Variants in TMEM108 observed in about 807,000 individuals in gnomAD.
TMEM108 encodes cancer/testis antigen 124.
TMEM108 carries 12 observed loss-of-function variants against 35.1 expected under a neutral mutation model. The observed-to-expected ratio is 0.34, with a 90% confidence interval of 0.22 to 0.55. The LOEUF is 0.55. Among genes scored for constraint, TMEM108 ranks in the 20% least tolerant of loss-of-function variants. TMEM108 has a pLI of 0.89. For missense variants in TMEM108, 680 were observed against 753.3 expected (o/e 0.90, Z 1.14); for synonymous variants, 287 against 308.6 (o/e 0.93, Z 0.73).
chr3:133,337,255 G>A (rs185511764), intron 3 of TMEM108, among the ~76,000 whole-genome samples: 7 of 152,306 alleles, frequency 4.6e-5, no homozygotes, highest in Non-Finnish European at 1.0e-4. Context: ...ATCCAGTGCT[G>A]TGCAGGCTGC....
intron 2 of TMEM108, among the ~76,000 whole-genome samples, chr3:133,181,024 A>C (rs1240768872): frequency 1.4e-5 from 2 of 142,140 alleles, no homozygotes; most frequent in African/African-American, 5.9e-5. Flanking sequence ...AAAAAAAAAA[A>C]AAAAAAAAAA....
At chr3:133,051,885 G>A (rs1467362885) in intron 2 of TMEM108, among the ~76,000 whole-genome samples, 2 of 152,104 alleles carry the variant, frequency 1.3e-5, no homozygotes, top group Non-Finnish European at 2.9e-5. Context: ...ATACCATACT[G>A]TCTTGATTAT....
At chr3:133,203,803 G>C (rs1945708635) in intron 2 of TMEM108, among the ~76,000 whole-genome samples, 2 of 152,124 alleles carry the variant, frequency 1.3e-5, no homozygotes, top group African/African-American at 4.8e-5. Context: ...GATGATGTTG[G>C]CCTCATAAAA....
intron 2 of TMEM108, among the ~76,000 whole-genome samples, chr3:133,115,805 A>G (rs1489755709): frequency 6.6e-6 from 1 of 152,240 alleles, no homozygotes; most frequent in South Asian, 2.1e-4. Context: ...ACATAACATC[A>G]TTAGCTGTTG....
At chr3:133,260,547 G>A (rs1946609606) in intron 3 of TMEM108, among the ~76,000 whole-genome samples, 2 of 152,210 alleles carry the variant, frequency 1.3e-5, no homozygotes, top group Non-Finnish European at 2.9e-5. Flanking sequence ...AGGGCCAATT[G>A]TGGTCAGAGC....
rs1014403262 is a variant in TMEM108 at position 133,229,251 on chromosome 3, C to T, written c.-46-15C>T. 2 of 1,533,338 alleles carry T rather than the reference C, an allele frequency of 1.3e-6. No homozygotes were observed. Among genetic ancestry groups the T allele is most frequent in the East Asian group, 2.3e-5 (1 of 43,658 alleles). The allele number at this position is 1,533,338 out of a possible 1,614,324, so 95.0% of individuals were successfully genotyped here. On this transcript the variant is annotated splice_polypyrimidine_tract_variant and intron_variant, in intron 2 of 5. Coordinates refer to ENST00000321871, the MANE Select transcript of TMEM108 (RefSeq NM_023943.4). ...GTTCCTCAGATGTAACAATTTTCTT[C>T]TCCCAATTTCCTAGACAGAATCATG...
chr3:133,149,296 A>T (rs145428385), intron 2 of TMEM108, among the ~76,000 whole-genome samples: 9 of 152,364 alleles, frequency 5.9e-5, no homozygotes, highest in Non-Finnish European at 8.8e-5. Context: ...ATGTGAATAC[A>T]TTGTGAAGTG....
intron 2 of TMEM108, among the ~76,000 whole-genome samples, chr3:133,200,995 T>TTTTGGAGGATCA (rs200273110): frequency 6.6e-6 from 1 of 152,116 alleles, no homozygotes; most frequent in East Asian, 1.9e-4. Flanking sequence ...CTTATGTTAA[T>TTTTGGAGGATCA]TTTGGAGGAT....
chr3:133,364,323 T>A (rs1351724791), intron 3 of TMEM108, among the ~76,000 whole-genome samples: 1 of 152,226 alleles, frequency 6.6e-6, no homozygotes, highest in Non-Finnish European at 1.5e-5. Context: ...TAGGCAATGC[T>A]TAGCTCAGAC....
chr3:133,146,975 A>C (rs1944730625), intron 2 of TMEM108, among the ~76,000 whole-genome samples: 1 of 151,540 alleles, frequency 6.6e-6, no homozygotes, highest in African/African-American at 2.4e-5. Context: ...TTCTGCTCTG[A>C]TCTTAGTTAT....
chr3:133,093,758 AT>A (rs923785280), intron 2 of TMEM108, among the ~76,000 whole-genome samples: 5 of 152,098 alleles, frequency 3.3e-5, no homozygotes, highest in African/African-American at 7.3e-5. Flanking sequence ...GCTTTAAAAC[AT>A]TTTTATGCCT....
chr3:133,147,288 C>T (rs974034816), intron 2 of TMEM108, among the ~76,000 whole-genome samples: 23 of 152,138 alleles, frequency 1.5e-4, no homozygotes, highest in African/African-American at 5.5e-4. Context: ...GTTTCTTAAT[C>T]CTGAGTTCTA....
At chr3:133,340,385 G>A (rs1159788452) in intron 3 of TMEM108, among the ~76,000 whole-genome samples, 4 of 151,770 alleles carry the variant, frequency 2.6e-5, no homozygotes, top group Non-Finnish European at 5.9e-5. Context: ...ATTGAACCAT[G>A]AAGAAATCCA....
intron 3 of TMEM108, among the ~76,000 whole-genome samples, chr3:133,376,931 T>C (rs1415501092): frequency 6.6e-6 from 1 of 152,128 alleles, no homozygotes; most frequent in African/African-American, 2.4e-5. Flanking sequence ...TTGAGGAGGA[T>C]GGAAGTCTAA....
At chr3:133,113,581 G>A (rs1033211646) in intron 2 of TMEM108, among the ~76,000 whole-genome samples, 1 of 152,018 alleles carries the variant, frequency 6.6e-6, no homozygotes, top group Non-Finnish European at 1.5e-5. Flanking sequence ...CCTCCTTCCA[G>A]CCCCACAAGA....
chr3:133,307,949 G>A (rs1057489441), intron 3 of TMEM108, among the ~76,000 whole-genome samples: 2 of 152,066 alleles, frequency 1.3e-5, no homozygotes, highest in Non-Finnish European at 2.9e-5. Context: ...ATTACCTTGG[G>A]CAGTATGGCC....
chr3:133,232,553 T>C (rs566031904), intron 3 of TMEM108, among the ~76,000 whole-genome samples: 73 of 152,330 alleles, frequency 4.8e-4, no homozygotes, highest in African/African-American at 1.6e-3. Context: ...TATTTCTTTA[T>C]AGCAACACTA....
intron 2 of TMEM108, among the ~76,000 whole-genome samples, chr3:133,106,169 T>G (rs1291990647): frequency 1.3e-5 from 2 of 149,344 alleles, no homozygotes; most frequent in African/African-American, 4.9e-5. Flanking sequence ...AATTGAGAGG[T>G]TAAAGGTTTT....
chr3:133,355,194 G>A (rs2072125992), intron 3 of TMEM108, among the ~76,000 whole-genome samples: 1 of 152,180 alleles, frequency 6.6e-6, no homozygotes, highest in African/African-American at 2.4e-5. Context: ...ATGCTGCTTT[G>A]AGGCCATTGG....
Sources: allele counts gnomAD v4.1 joint callset (sites outside exome capture counted in the v4.1 genomes callset), GRCh38; gene constraint gnomAD v4.1.1; transcripts MANE v1.5; gene names NCBI Gene and HGNC (gene_info 2026-07-23, HGNC 2026-07-21).